Variants in SDHA observed in about 807,000 individuals in gnomAD.
SDHA encodes the protein succinate dehydrogenase complex flavoprotein subunit A, also known as succinate dehydrogenase [ubiquinone] flavoprotein subunit, mitochondrial.
A neutral mutation model predicts 78.4 loss-of-function variants in SDHA; 48 were observed. That is an observed-to-expected ratio of 0.61 (90% confidence interval 0.49 to 0.78). The LOEUF (loss-of-function observed/expected upper bound fraction) is 0.78, where lower values mean the gene tolerates loss of function less well. Among genes scored for constraint, SDHA ranks in the 30% least tolerant of loss-of-function variants. The probability of loss-of-function intolerance (pLI) is 0.00; values close to 1 mark genes in which losing one functional copy is unlikely to be tolerated. For missense variants in SDHA, 680 were observed against 892.7 expected (o/e 0.76, Z 3.04); for synonymous variants, 326 against 353.9 (o/e 0.92, Z 0.88).
chr5:241,871 G>C (rs1328694298), intron 11 of SDHA, among the ~76,000 whole-genome samples: 1 of 152,260 alleles, frequency 6.6e-6, no homozygotes, highest in Admixed American at 6.5e-5. Context: ...GGCACAGAAG[G>C]CTGAGTGATG....
chr5:243,870 G>T lies in SDHA; in HGVS notation c.1551+3394G>T, dbSNP rs553374351. The stretch of plus-strand genomic sequence containing the variant: ...CACAAGCTATGGCAGGACTGAAAGT[G>T]AGTAAAGGAAATACTCCGTTTCCTG... On this transcript the variant is annotated intron_variant, in intron 11 of 14. Coordinates refer to ENST00000264932, the MANE Select transcript of SDHA (RefSeq NM_004168.4). Among the ~76,000 whole-genome samples the T allele has an allele frequency of 8.5e-5, 13 of 152,308 alleles. No homozygotes were observed. In the South Asian group the frequency reaches 2.3e-3, roughly 27 times the overall value.
intron 11 of SDHA, 54 bp from the exon 12 acceptor site, chr5:250,938 T>G: frequency 6.8e-7 from 1 of 1,461,342 alleles, no homozygotes; most frequent in African/African-American, 1.4e-5. Context: ...AAGCAGTTCT[T>G]GGTATGGCTG....
At chr5:230,811 T>C (rs927692351) in intron 6 of SDHA, 65 bp from the exon 7 acceptor site, 1 of 1,609,000 alleles carries the variant, frequency 6.2e-7, no homozygotes, top group Non-Finnish European at 8.5e-7. Context: ...CATTCTGTGA[T>C]CTCACCAGAT....
At chr5:242,720 C>A (rs1297897704) in intron 11 of SDHA, among the ~76,000 whole-genome samples, 1 of 152,180 alleles carries the variant, frequency 6.6e-6, no homozygotes, top group Admixed American at 6.5e-5. Context: ...GAACATGGAA[C>A]TAAGCTGGAG....
intron 11 of SDHA, among the ~76,000 whole-genome samples, chr5:246,793 C>CT (rs1217791743): frequency 1.3e-5 from 2 of 152,240 alleles, no homozygotes; most frequent in East Asian, 3.8e-4. Flanking sequence ...TTCATGGACT[C>CT]TAACTCCTTA....
At chr5:250,006 A>C (rs2126629481) in intron 11 of SDHA, 1 of 152,310 alleles carries the variant, frequency 6.6e-6, no homozygotes, top group African/African-American at 2.4e-5. Flanking sequence ...TCACATTTCA[A>C]AAAAAATTGA....
At position 240,466 on chromosome 5, in the gene SDHA, G is replaced by C. The variant is rs587781729; in HGVS notation, c.1541G>C (p.Ser514Thr). 2 of 1,602,498 alleles carry C rather than the reference G, an allele frequency of 1.2e-6. No homozygotes were observed. Among genetic ancestry groups the C allele is most frequent in the African/African-American group, 1.3e-5 (1 of 74,782 alleles). The change falls in exon 11 of 15, where the codon AGC becomes ACC. Residue 514 changes from serine to threonine, a missense_variant. Ser to Thr is a moderately conservative substitution (Grantham distance 58, BLOSUM62 1). Transcript: ENST00000264932. ...ATAAGAACATCGGAACTGCGACTCA[G>C]CATGCAGAAGGTAAGAGCCTGGACT... ...GSIRTSELRL[S>T]MQKSMQNHAA...
chr5:249,499 T>C (rs1400526695), intron 11 of SDHA: 1 of 154,772 alleles, frequency 6.5e-6, no homozygotes, highest in Non-Finnish European at 1.4e-5. Flanking sequence ...GAAAACCGTT[T>C]AAGGCATTCT....
rs1412534704 is a variant in SDHA at position 224,495 on chromosome 5, A to G, written c.286A>G (p.Thr96Ala). 1 of 1,612,872 alleles carries G rather than the reference A, an allele frequency of 6.2e-7. No individual in the cohort carries two copies. The change falls in exon 3 of 15, where the codon ACC becomes GCC. Residue 96 changes from threonine (T) to alanine (A), a missense_variant. By Grantham distance (58) the Thr-to-Ala change is moderately conservative. Transcript: ENST00000264932. The stretch of plus-strand genomic sequence containing the variant: ...AGCATGTGTTACCAAGCTGTTTCCT[A>G]CCAGGTCACACACTGTTGCAGCACA... ...NTACVTKLFP[T>A]RSHTVAAQGG...
chr5:260,006 C>A (rs1312615761), downstream of SDHA, among the ~76,000 whole-genome samples: 1 of 63,054 alleles, frequency 1.6e-5, no homozygotes, highest in Admixed American at 1.5e-4. Flanking sequence ...GTGTGAGCTC[C>A]GCCTCCCCAC....
intron 1 of SDHA, 118 bp downstream of exon 1, chr5:218,536 G>A (rs1734519237): frequency 2.5e-6 from 2 of 810,540 alleles, no homozygotes; most frequent in East Asian, 3.5e-5. Flanking sequence ...CCTCTGTCCC[G>A]GGATCGGGAA....
At chr5:262,580 A>G in the SDHA span, among the ~76,000 whole-genome samples, 1 of 152,140 alleles carries the variant, frequency 6.6e-6, no homozygotes, top group African/African-American at 2.4e-5. Flanking sequence ...TTCATCTCCA[A>G]ACCATCCCCA....
intron 6 of SDHA, among the ~76,000 whole-genome samples, chr5:230,623 C>G (rs781105982): frequency 6.9e-6 from 1 of 144,200 alleles, no homozygotes; most frequent in African/African-American, 2.9e-5. Flanking sequence ...TAGATCCTAT[C>G]TCAAAATAAA....
intron 13 of SDHA, among the ~76,000 whole-genome samples, chr5:253,280 A>G (rs1234397868): frequency 6.6e-6 from 1 of 152,132 alleles, no homozygotes; most frequent in African/African-American, 2.4e-5. Flanking sequence ...AATCATTTTT[A>G]TTCACCATGA....
At chr5:238,338 A>T (rs1009979252) in intron 10 of SDHA, among the ~76,000 whole-genome samples, 4 of 152,120 alleles carry the variant, frequency 2.6e-5, no homozygotes, top group Admixed American at 6.5e-5. Context: ...CTGTATCTTT[A>T]TGCTTTAATT....
intron 10 of SDHA, among the ~76,000 whole-genome samples, chr5:239,825 A>G (rs1274410012): frequency 6.6e-6 from 1 of 150,608 alleles, no homozygotes; most frequent in East Asian, 2.0e-4. Context: ...GCTGGAGTGC[A>G]GTGGCGCGAT....
intron 1 of SDHA, among the ~76,000 whole-genome samples, chr5:221,841 A>C (rs181103189): frequency 6.6e-6 from 1 of 152,196 alleles, no homozygotes; most frequent in African/African-American, 2.4e-5. Flanking sequence ...ATGGCGTGAT[A>C]ATTTGTTCAA....
rs1169286790 is a variant in SDHA at position 236,525 on chromosome 5, G to A, written c.1358G>A (p.Gly453Glu). ...TCGGTACATGGTGCCAACCGCCTCG[G>A]GGCAAACTCGCTCTTGGACCTGGTT... is the stretch of plus-strand genomic sequence containing the variant. ...CASVHGANRL[G>E]ANSLLDLVVF... The change falls in exon 10 of 15, where the codon GGG (glycine) becomes GAG (glutamate). Residue 453 changes from glycine (G) to glutamate (E), a missense_variant. Transcript: ENST00000264932. 1.2e-6 allele frequency: 2 copies of A among 1,613,920 alleles called. No homozygotes were observed. The highest frequency in any genetic ancestry group is 2.7e-5 in the African/African-American group (2 of 74,942).
At chr5:239,660 C>T (rs1347459137) in intron 10 of SDHA, among the ~76,000 whole-genome samples, 1 of 152,168 alleles carries the variant, frequency 6.6e-6, no homozygotes, top group Admixed American at 6.5e-5. Flanking sequence ...CTTCCCCCCG[C>T]TGATGTGAAG....
Sources: gnomAD v4.1 joint callset for allele counts (sites outside exome capture counted in the v4.1 genomes callset) on GRCh38, gnomAD v4.1.1 for gene constraint, MANE v1.5 for transcripts, NCBI Gene and HGNC (gene_info 2026-07-23, HGNC 2026-07-21) for gene names.